CR1: variants seen among roughly 807,000 people sequenced by gnomAD.
CR1 encodes the protein complement C3b/C4b receptor 1 (Knops blood group).
In CR1, 116 loss-of-function variants were observed where a neutral mutation model predicts 187.3. The ratio of observed to expected loss-of-function variants is 0.62; its 90% CI spans 0.53 to 0.72. CR1 has a LOEUF of 0.72. CR1 is among the 30% of genes least tolerant of loss of function. The pLI is 0.00. For missense variants in CR1, 1,731 were observed against 2,110.7 expected (o/e 0.82, Z 3.52); for synonymous variants, 576 against 747.1 (o/e 0.77, Z 3.73).
intron 41 of CR1, among the ~76,000 whole-genome samples, chr1:207,617,605 AT>A (rs1662174896): frequency 9.7e-5 from 1 of 10,314 alleles, no homozygotes; most frequent in African/African-American, 4.7e-4. Context: ...ATATATATAT[AT>A]ATATATAGAG....
At chr1:207,568,115 A>T in intron 25 of CR1, 73 bp downstream of exon 25, 1 of 1,609,828 alleles carries the variant, frequency 6.2e-7, no homozygotes, top group Non-Finnish European at 8.5e-7. Flanking sequence ...TTCCATAATT[A>T]CAGTGTAGTA....
chr1:207,504,735 G>C (rs1488517696), intron 1 of CR1, among the ~76,000 whole-genome samples: 1 of 152,136 alleles, frequency 6.6e-6, no homozygotes, highest in African/African-American at 2.4e-5. Flanking sequence ...CTTCAAACTG[G>C]CAGAGACTTT....
chr1:207,500,044 G>T (rs1344481640), intron 1 of CR1, among the ~76,000 whole-genome samples: 1 of 152,142 alleles, frequency 6.6e-6, no homozygotes, highest in Admixed American at 6.5e-5. Context: ...AATGCTGTCA[G>T]TCTAATCACA....
chr1:207,618,158 T>G lies in CR1; in HGVS notation c.6977T>G (p.Ile2326Ser), dbSNP rs1428355347. 1 of 1,613,802 alleles carries G rather than the reference T, an allele frequency of 6.2e-7. No homozygotes were observed. Among genetic ancestry groups the G allele is most frequent in the Non-Finnish European group, 8.5e-7 (1 of 1,179,860 alleles). ...LYLPGMTISY[I>S]CDPGYLLVGK... ...CTTCCTGGGATGACAATCAGCTACATTTGTGACCCCGGCTACCTGTTAGTG... is the reference window on the plus strand; with the variant it reads ...CTTCCTGGGATGACAATCAGCTACAGTTGTGACCCCGGCTACCTGTTAGTG... Residue 2326 changes from isoleucine to serine, a missense_variant, in exon 42 of 47, where the codon ATT becomes AGT. Ile to Ser is a moderately radical substitution (Grantham distance 142). Transcript: ENST00000367049.
chr1:207,502,964 C>T lies in CR1; in HGVS notation c.122-2940C>T, dbSNP rs116469442. Among the ~76,000 whole-genome samples, 1,249 of 152,244 alleles carry T rather than the reference C, an allele frequency of 8.2e-3. 17 individuals are homozygous for T. Among genetic ancestry groups the T allele is most frequent in the African/African-American group, 0.028 (1,167 of 41,534 alleles). ...TCACTGAGGTCATCCAGTGCATTCC[C>T]GACAGCATAGGCTCATTCCAAGCTA... On this transcript the variant is annotated intron_variant, in intron 1 of 46. Transcript: ENST00000367049.
chr1:207,518,065 C>A (rs569285847), intron 4 of CR1, among the ~76,000 whole-genome samples: 2 of 152,120 alleles, frequency 1.3e-5, no homozygotes, highest in East Asian at 1.9e-4. Flanking sequence ...TGTTTCCAAC[C>A]TTTATTTTTC....
At chr1:207,615,456 A>G (rs1400817536) in intron 40 of CR1, among the ~76,000 whole-genome samples, 3 of 152,244 alleles carry the variant, frequency 2.0e-5, no homozygotes, top group African/African-American at 7.2e-5. Flanking sequence ...AGTGTCTGAA[A>G]TGATGAGGTG....
At chr1:207,624,226 A>G (rs1379798202) in intron 45 of CR1, among the ~76,000 whole-genome samples, 1 of 152,030 alleles carries the variant, frequency 6.6e-6, no homozygotes, top group Non-Finnish European at 1.5e-5. Context: ...GGGCCCAGCC[A>G]TCATTAATTT....
intron 46 of CR1, among the ~76,000 whole-genome samples, chr1:207,633,197 T>C (rs1017112002): frequency 6.6e-6 from 1 of 152,218 alleles, no homozygotes; most frequent in African/African-American, 2.4e-5. Flanking sequence ...CAAACAACTC[T>C]AGTCCAAAAT....
chr1:207,602,415 A>G (rs946444377), intron 35 of CR1, among the ~76,000 whole-genome samples: 1 of 152,134 alleles, frequency 6.6e-6, no homozygotes, highest in African/African-American at 2.4e-5. Context: ...CAATATTAAA[A>G]GAATTATGCA....
intron 37 of CR1, among the ~76,000 whole-genome samples, chr1:207,610,760 A>AG (rs999467220): frequency 4.6e-5 from 7 of 151,878 alleles, no homozygotes; most frequent in African/African-American, 9.7e-5. Context: ...TTTTTCTTTG[A>AG]GGGGGGGTTG....
chr1:207,580,495 T>G lies in CR1; in HGVS notation c.5114-16T>G. 13 of 1,590,744 alleles carry G rather than the reference T, an allele frequency of 8.2e-6. No homozygotes were observed. The highest frequency in any genetic ancestry group is 1.1e-5 in the Non-Finnish European group (13 of 1,173,580). On this transcript the variant is annotated splice_polypyrimidine_tract_variant and intron_variant, in intron 30 of 46. Coordinates refer to ENST00000367049, the MANE Select transcript of CR1 (RefSeq NM_000651.6). ...CTTACTCCTATTTTTTCTTTTTTTT[T>G]TTTTTCTTCTTCTAGTGAAATCCTG...
rs1752688 is a variant in CR1, at chr1:207,584,887, A to G, written c.5530+11A>G. 414,710 of 1,613,492 alleles carry G rather than the reference A, an allele frequency of 0.26. 68,528 individuals are homozygous for G. Among genetic ancestry groups the G allele is most frequent in the African/African-American group, 0.78 (58,568 of 74,938 alleles). On this transcript the variant is annotated intron_variant, in intron 33 of 46. Transcript: ENST00000367049. ...TTTCTGTTCGTGCTGGTCAGTATCCACTTCCACATATCCTAAATGGGTTCA... is the reference window on the plus strand; with the variant it reads ...TTTCTGTTCGTGCTGGTCAGTATCCGCTTCCACATATCCTAAATGGGTTCA...
intron 35 of CR1, among the ~76,000 whole-genome samples, chr1:207,601,043 T>C (rs1207572358): frequency 1.3e-5 from 2 of 152,052 alleles, no homozygotes; most frequent in Non-Finnish European, 2.9e-5. Flanking sequence ...TTTAAATTAT[T>C]AAAAACATAT....
chr1:207,503,453 T>A (rs1314879076), intron 1 of CR1, among the ~76,000 whole-genome samples: 1 of 152,224 alleles, frequency 6.6e-6, no homozygotes, highest in Non-Finnish European at 1.5e-5. Flanking sequence ...TAGGGCTGTG[T>A]TCCTTGTGGA....
At chr1:207,583,374 A>G (rs918929245) in intron 32 of CR1, among the ~76,000 whole-genome samples, 1 of 152,196 alleles carries the variant, frequency 6.6e-6, no homozygotes, top group Non-Finnish European at 1.5e-5. Context: ...AATGAATTCT[A>G]GGGAGAATGA....
At chr1:207,578,538 T>C (rs2102339939) in intron 29 of CR1, among the ~76,000 whole-genome samples, 1 of 152,390 alleles carries the variant, frequency 6.6e-6, no homozygotes, top group Middle Eastern at 3.4e-3. Flanking sequence ...CTAAGCACTT[T>C]ATATGCATTT....
At chr1:207,505,801 A>G (rs1572989586) in intron 1 of CR1, 103 bp from the exon 2 acceptor site, 2 of 1,319,134 alleles carry the variant, frequency 1.5e-6, no homozygotes, top group South Asian at 1.4e-5. Context: ...GCGCCACTGC[A>G]CTCCAGCCTG....
At position 207,580,762 on chromosome 1, in the gene CR1, G is replaced by GCC. The variant is rs1660911908; in HGVS notation, c.5216+149_5216+150insCC. On this transcript the variant is annotated intron_variant, in intron 31 of 46. Transcript: ENST00000367049. Reference sequence around the variant, plus strand: ...AGTGTAGCTTTAAAATAAAGGTAGGGACTAAGTGGCACTACTATCAGGAGA... The same window carrying GCC: ...AGTGTAGCTTTAAAATAAAGGTAGGGCCACTAAGTGGCACTACTATCAGGAGA... The GCC allele has an allele frequency of 7.9e-6, 6 of 762,036 alleles. No homozygotes were observed. In the South Asian group the frequency reaches 1.1e-4, roughly 15 times the overall value. The allele number at this position is 762,036 out of a possible 1,614,324, so 47.2% of individuals were successfully genotyped here.
Sources: gnomAD v4.1 joint callset for allele counts (sites outside exome capture counted in the v4.1 genomes callset) on GRCh38, gnomAD v4.1.1 for gene constraint, MANE v1.5 for transcripts, NCBI Gene and HGNC (gene_info 2026-07-23, HGNC 2026-07-21) for gene names.